SCAMP1: variants seen among roughly 807,000 people sequenced by gnomAD.
SCAMP1 encodes the protein secretory carrier membrane protein 1.
Under a neutral mutation model 41.8 loss-of-function variants are expected in SCAMP1, and 15 were observed. The observed-to-expected ratio is 0.36, with a 90% CI of 0.24 to 0.55. The LOEUF (loss-of-function observed/expected upper bound fraction) is 0.55. SCAMP1 is among the 20% of genes least tolerant of loss of function. SCAMP1 has a pLI of 0.86. For synonymous variants in SCAMP1, 135 were observed against 136.8 expected, an observed-to-expected ratio of 0.99 and a Z score of 0.09; for missense variants, 341 against 412.6, an observed-to-expected ratio of 0.83 and a Z score of 1.50.
At chr5:78,471,293 G>C (rs756890403) in intron 8 of SCAMP1, among the ~76,000 whole-genome samples, 1 of 152,096 alleles carries the variant, frequency 6.6e-6, no homozygotes, top group African/African-American at 2.4e-5. Flanking sequence ...TAAAGGGTGC[G>C]TGAGATTTCG....
rs935410634 is a variant in SCAMP1, at chr5:78,479,330, T to C, written c.*3662T>C. ...GTTAAAAAATAGAAAACACCTTACT[T>C]TGATACATTTTAAAGTACAATAGTA... On this transcript the variant is annotated 3_prime_UTR_variant, in exon 9 of 9. Coordinates refer to ENST00000621999, the MANE Select transcript of SCAMP1 (RefSeq NM_004866.6). Among the ~76,000 whole-genome samples the C allele has an allele frequency of 7.9e-5, 12 of 152,192 alleles. No individual in the cohort carries two copies. The highest frequency in any genetic ancestry group is 1.3e-4 in the Non-Finnish European group (9 of 68,032).
intron 6 of SCAMP1, among the ~76,000 whole-genome samples, chr5:78,437,953 G>T (rs1413943452): frequency 6.6e-6 from 1 of 152,170 alleles, no homozygotes; most frequent in Admixed American, 6.5e-5. Flanking sequence ...GAGGGTGTAT[G>T]TATCCAGTAA....
chr5:78,437,337 T>C lies in SCAMP1; in HGVS notation c.633-12596T>C, dbSNP rs570593450. Among the ~76,000 whole-genome samples, 554 of 152,344 alleles carry C rather than the reference T, an allele frequency of 3.6e-3. 6 individuals are homozygous for C. Among genetic ancestry groups the C allele is most frequent in the African/African-American group, 0.013 (532 of 41,590 alleles). On this transcript the variant is annotated intron_variant, in intron 6 of 8. Transcript: ENST00000621999. ...CAGTTTTTGTCCATTCAGTATGATA[T>C]TGGCTGTGGGTTTGTCATAAATAGC...
intron 1 of SCAMP1, among the ~76,000 whole-genome samples, chr5:78,372,912 T>C (rs1369702912): frequency 1.4e-5 from 1 of 71,166 alleles, no homozygotes; most frequent in Non-Finnish European, 2.9e-5. Context: ...TTATCTGTTA[T>C]TTAAAAAGAT....
intron 1 of SCAMP1, among the ~76,000 whole-genome samples, chr5:78,367,582 G>C (rs1750830156): frequency 6.6e-6 from 1 of 152,110 alleles, no homozygotes; most frequent in South Asian, 2.1e-4. Context: ...TGAATCATAT[G>C]CTACTTCTGC....
intron 6 of SCAMP1, among the ~76,000 whole-genome samples, chr5:78,436,188 A>T (rs1407354569): frequency 6.6e-6 from 1 of 152,112 alleles, no homozygotes; most frequent in Non-Finnish European, 1.5e-5. Flanking sequence ...GGTGACTCCG[A>T]TGGTAGTTTC....
intron 1 of SCAMP1, among the ~76,000 whole-genome samples, chr5:78,381,843 G>C (rs548724200): frequency 6.6e-6 from 1 of 152,158 alleles, no homozygotes; most frequent in Non-Finnish European, 1.5e-5. Flanking sequence ...GGAAAAATAG[G>C]CAGGCTAGAT....
At chr5:78,434,812 C>T (rs1752708516) in intron 6 of SCAMP1, among the ~76,000 whole-genome samples, 1 of 152,044 alleles carries the variant, frequency 6.6e-6, no homozygotes, top group Admixed American at 6.6e-5. Flanking sequence ...TTTGAAAATC[C>T]CTGTTACTGT....
chr5:78,480,557 T>C lies in SCAMP1; in HGVS notation c.*4889T>C, dbSNP rs374152744. ...GAAAACACCAAAAATCAGTGTCTTT[T>C]ATCTGGTGATCACTGTGGTATCTAC... On this transcript the variant is annotated 3_prime_UTR_variant, in exon 9 of 9. Coordinates refer to ENST00000621999, the MANE Select transcript of SCAMP1 (RefSeq NM_004866.6). 6.6e-6 allele frequency among the ~76,000 whole-genome samples: 1 copy of C among 152,218 alleles called. No homozygotes were observed. Among genetic ancestry groups the C allele is most frequent in the East Asian group, 1.9e-4 (1 of 5,200 alleles).
chr5:78,367,616 G>T (rs1283313235), intron 1 of SCAMP1, among the ~76,000 whole-genome samples: 1 of 152,178 alleles, frequency 6.6e-6, no homozygotes, highest in African/African-American at 2.4e-5. Flanking sequence ...TCAAAACAAG[G>T]CACAAGTTCA....
chr5:78,417,720 G>T (rs1310813989), intron 4 of SCAMP1, among the ~76,000 whole-genome samples: 3 of 152,176 alleles, frequency 2.0e-5, no homozygotes, highest in Admixed American at 2.0e-4. Context: ...TTGCCAGTAA[G>T]TGGCTAGCCA....
chr5:78,393,586 C>T (rs1022468171), intron 2 of SCAMP1, among the ~76,000 whole-genome samples: 1 of 152,180 alleles, frequency 6.6e-6, no homozygotes. Flanking sequence ...ATGAAAGCCT[C>T]TTGAGCACTT....
At chr5:78,388,330 G>A (rs1751396441) in intron 1 of SCAMP1, among the ~76,000 whole-genome samples, 1 of 152,234 alleles carries the variant, frequency 6.6e-6, no homozygotes, top group African/African-American at 2.4e-5. Flanking sequence ...CTATGATCAT[G>A]TGGTGAAATA....
chr5:78,420,036 A>T (rs1357013100), intron 5 of SCAMP1, among the ~76,000 whole-genome samples: 4 of 152,040 alleles, frequency 2.6e-5, no homozygotes, highest in Non-Finnish European at 5.9e-5. Flanking sequence ...TTATTTTTTT[A>T]AATGGGCAGA....
intron 7 of SCAMP1, among the ~76,000 whole-genome samples, chr5:78,458,827 C>T (rs867632071): frequency 2.6e-5 from 4 of 152,220 alleles, no homozygotes; most frequent in Middle Eastern, 6.8e-3. Context: ...TTACAATGAG[C>T]CGAGATCATG....
At chr5:78,472,158 A>G (rs1222092032) in intron 8 of SCAMP1, among the ~76,000 whole-genome samples, 1 of 152,128 alleles carries the variant, frequency 6.6e-6, no homozygotes, top group Non-Finnish European at 1.5e-5. Flanking sequence ...AGGCTGTGCA[A>G]CTTGGTGATA....
At position 78,435,624 on chromosome 5, in the gene SCAMP1, A is replaced by G. The variant is rs1752734087; in HGVS notation, c.632+13664A>G. Among the ~76,000 whole-genome samples the G allele has an allele frequency of 2.0e-5, 3 of 152,286 alleles. No individual in the cohort carries two copies. In the South Asian group the frequency reaches 6.2e-4, roughly 32 times the overall value. ...CCACATTTTCTTAATCTAGTCTATCATTGATGGACATTTGGGTTTGTTCCA... is the reference window on the plus strand; with the variant it reads ...CCACATTTTCTTAATCTAGTCTATCGTTGATGGACATTTGGGTTTGTTCCA... On this transcript the variant is annotated intron_variant, in intron 6 of 8. Coordinates refer to ENST00000621999, the MANE Select transcript of SCAMP1 (RefSeq NM_004866.6).
At chr5:78,410,344 T>C (rs1373496128) in intron 2 of SCAMP1, among the ~76,000 whole-genome samples, 2 of 151,588 alleles carry the variant, frequency 1.3e-5, no homozygotes, top group Non-Finnish European at 2.9e-5. Flanking sequence ...TTCCCCACCA[T>C]GTGTCCATGT....
chr5:78,454,977 G>T (rs1268298201), intron 7 of SCAMP1, among the ~76,000 whole-genome samples: 9 of 151,966 alleles, frequency 5.9e-5, no homozygotes, highest in African/African-American at 1.9e-4. Context: ...GCGTAGAGGT[G>T]TTTGTAGTAT....
Sources: allele counts gnomAD v4.1 joint callset (sites outside exome capture counted in the v4.1 genomes callset), GRCh38; gene constraint gnomAD v4.1.1; transcripts MANE v1.5; gene names NCBI Gene and HGNC (gene_info 2026-07-23, HGNC 2026-07-21).